TMEM192: variants seen among roughly 807,000 people sequenced by gnomAD.
TMEM192 encodes transmembrane protein 192.
A neutral mutation model predicts 26.7 loss-of-function variants in TMEM192; 20 were observed. The observed-to-expected ratio is 0.75, with a 90% CI of 0.53 to 1.09. The LOEUF (loss-of-function observed/expected upper bound fraction) is 1.09, where lower values mean the gene tolerates loss of function less well. Ranked by LOEUF, TMEM192 falls within the 50% of genes least tolerant of loss-of-function variation. The pLI, the probability that TMEM192 is intolerant of heterozygous loss-of-function variation, is 0.00. For synonymous variants in TMEM192, 124 were observed against 121.0 expected (o/e 1.02, Z -0.16); for missense variants, 304 against 322.6 (o/e 0.94, Z 0.44).
At chr4:165,089,750 G>C (rs892509147) in intron 3 of TMEM192, among the ~76,000 whole-genome samples, 2 of 152,182 alleles carry the variant, frequency 1.3e-5, no homozygotes, top group African/African-American at 4.8e-5. Flanking sequence ...CAAGAAACAG[G>C]AGGGCCGGAA....
intron 3 of TMEM192, among the ~76,000 whole-genome samples, chr4:165,095,232 T>C (rs950029534): frequency 6.6e-6 from 1 of 152,154 alleles, no homozygotes; most frequent in African/African-American, 2.4e-5. Context: ...TAACAATGCC[T>C]AAGTAGACAT....
chr4:165,096,368 G>A (rs1198282110), intron 3 of TMEM192, among the ~76,000 whole-genome samples: 1 of 151,620 alleles, frequency 6.6e-6, no homozygotes, highest in East Asian at 2.0e-4. Flanking sequence ...TCATACCACT[G>A]CACTCCAGCC....
chr4:165,077,401 G>A lies in TMEM192; in HGVS notation c.*2257C>T, dbSNP rs1263683501. 6.6e-6 allele frequency: 1 copy of A among 152,166 alleles called. No homozygotes were observed. The highest frequency in any genetic ancestry group is 1.5e-5 in the Non-Finnish European group (1 of 68,034). The allele number at this position is 152,166 out of a possible 1,614,324, so 9.4% of individuals were successfully genotyped here. ...AAAGTTTATAGGCTCTTCCAGAACA[G>A]AGAAACAGATTTCTAGAGAAGGCAA... is the stretch of plus-strand genomic sequence containing the variant. On this transcript the variant is annotated 3_prime_UTR_variant, in exon 6 of 6. Coordinates refer to ENST00000306480, the MANE Select transcript of TMEM192 (RefSeq NM_001100389.2).
At chr4:165,092,112 C>CTTTCTTAATGCTGTTCTTT (rs1734779100) in intron 3 of TMEM192, among the ~76,000 whole-genome samples, 2 of 72,074 alleles carry the variant, frequency 2.8e-5, no homozygotes, top group African/African-American at 1.3e-4. Context: ...TAATGCTGTT[C>CTTTCTTAATGCTGTTCTTT]TTTTTTTTTT....
intron 1 of TMEM192, among the ~76,000 whole-genome samples, chr4:165,103,859 G>C (rs552065710): frequency 2.6e-5 from 4 of 151,910 alleles, no homozygotes; most frequent in Admixed American, 1.3e-4. Flanking sequence ...GTAGAGGGAG[G>C]GTTTCACTGT....
chr4:165,103,531 T>TTTTTTG (rs1735094838), intron 1 of TMEM192, among the ~76,000 whole-genome samples: 1 of 131,300 alleles, frequency 7.6e-6, no homozygotes, highest in African/African-American at 3.1e-5. Flanking sequence ...TTTTTTTTTT[T>TTTTTTG]GAGATAGAGT....
intron 4 of TMEM192, among the ~76,000 whole-genome samples, chr4:165,087,621 G>T (rs1032144622): frequency 6.6e-6 from 1 of 152,180 alleles, no homozygotes; most frequent in Non-Finnish European, 1.5e-5. Context: ...ACATGTGGAT[G>T]AAAACTTCAT....
intron 1 of TMEM192, among the ~76,000 whole-genome samples, chr4:165,105,968 T>C (rs1192689689): frequency 1.3e-5 from 2 of 152,158 alleles, no homozygotes; most frequent in African/African-American, 4.8e-5. Context: ...CACCTTCCAC[T>C]GCGTGAGGAT....
rs1381175749 is a variant in TMEM192, at chr4:165,079,399, C to A, written c.*259G>T. 2.7e-6 allele frequency: 1 copy of A among 373,598 alleles called. No individual in the cohort carries two copies. Among genetic ancestry groups the A allele is most frequent in the Non-Finnish European group, 4.8e-6 (1 of 209,346 alleles). The allele number at this position is 373,598 out of a possible 1,614,324, so 23.1% of individuals were successfully genotyped here. A position where few individuals can be genotyped will look rare whatever the true frequency, so the allele number is the denominator to read the frequency against. ...GTTTAGCCTCTGATCCTAGGATAAA[C>A]CAAGCAGTTAAATAATTTCCAAAAG... On this transcript the variant is annotated 3_prime_UTR_variant, in exon 6 of 6. Coordinates refer to ENST00000306480, the MANE Select transcript of TMEM192 (RefSeq NM_001100389.2).
At chr4:165,094,514 G>A (rs944778250) in intron 3 of TMEM192, among the ~76,000 whole-genome samples, 1 of 152,012 alleles carries the variant, frequency 6.6e-6, no homozygotes, top group Non-Finnish European at 1.5e-5. Flanking sequence ...AAAATTAGAC[G>A]GGTGGGGCGG....
chr4:165,079,455 G>A lies in TMEM192; in HGVS notation c.*203C>T, dbSNP rs1734468177. ...ACAGACATTCCCCTCAAGTTATCCGGGCTTCTACAGGTACTTTTCAAGTGA... is the reference window on the plus strand; with the variant it reads ...ACAGACATTCCCCTCAAGTTATCCGAGCTTCTACAGGTACTTTTCAAGTGA... On this transcript the variant is annotated 3_prime_UTR_variant, in exon 6 of 6. Transcript: ENST00000306480. 1 of 478,322 alleles carries A rather than the reference G, an allele frequency of 2.1e-6. No homozygotes were observed. Among genetic ancestry groups the A allele is most frequent in the Non-Finnish European group, 3.6e-6 (1 of 276,076 alleles). The allele number at this position is 478,322 out of a possible 1,614,324, so 29.6% of individuals were successfully genotyped here.
chr4:165,099,461 C>T (rs1578909962), intron 3 of TMEM192, among the ~76,000 whole-genome samples: 2 of 152,098 alleles, frequency 1.3e-5, no homozygotes, highest in Admixed American at 1.3e-4. Context: ...ATGTCTGCAA[C>T]GATAAAGAAA....
At chr4:165,090,726 G>A (rs1248341564) in intron 3 of TMEM192, among the ~76,000 whole-genome samples, 6 of 151,792 alleles carry the variant, frequency 4.0e-5, no homozygotes, top group East Asian at 3.9e-4. Flanking sequence ...CCAAGATGGC[G>A]AAACCCTGTC....
In TMEM192 at chr4:165,102,967, G is replaced by T. The variant is rs1735071523; in HGVS notation, c.157C>A (p.Leu53Ile). The T allele has an allele frequency of 1.2e-6, 2 of 1,612,056 alleles. No individual in the cohort carries two copies. The highest frequency in any genetic ancestry group is 4.5e-5 in the East Asian group (2 of 44,814). Reference protein sequence around the residue: ...HPLPTVIIVNLLWFIHLVFVV... With the variant: ...HPLPTVIIVNILWFIHLVFVV... The stretch of plus-strand genomic sequence containing the variant: ...CAACTTACATGAATAAACCACAGAA[G>T]ATTCACTATGATGACTGTAGGAAGA... The change falls in exon 2 of 6, where the codon CTT becomes ATT. Residue 53 changes from leucine (L) to isoleucine (I), a missense_variant. Physicochemically the swap from Leu to Ile is conservative, Grantham distance 5. Coordinates refer to ENST00000306480, the MANE Select transcript of TMEM192 (RefSeq NM_001100389.2).
At position 165,070,734 on chromosome 4, in the gene TMEM192, CAG is replaced by C. The variant is rs1178274924; in HGVS notation, c.*8922_*8923del. The C allele has an allele frequency of 2.0e-5, 3 of 152,148 alleles. No homozygotes were observed. The highest frequency in any genetic ancestry group is 7.2e-5 in the African/African-American group (3 of 41,440). 9.4% of individuals were successfully genotyped at this position (152,148 alleles called of 1,614,324 possible). A position where few individuals can be genotyped will look rare whatever the true frequency, so the allele number is the denominator to read the frequency against. ...GGACATCATAAACAGAAAGTGAAAACAGAGCCCAGGTTACAGCTGGATTACAG... is the reference window on the plus strand; with the variant it reads ...GGACATCATAAACAGAAAGTGAAAACAGCCCAGGTTACAGCTGGATTACAG... On this transcript the variant is annotated 3_prime_UTR_variant, in exon 6 of 6. Coordinates refer to ENST00000306480, the MANE Select transcript of TMEM192 (RefSeq NM_001100389.2).
Position 165,078,620 on chromosome 4 carries a change from C to T in TMEM192, c.*1038G>A, listed in dbSNP as rs1028385567. 2 of 152,078 alleles carry T rather than the reference C, an allele frequency of 1.3e-5. No individual in the cohort carries two copies. The highest frequency in any genetic ancestry group is 4.8e-5 in the African/African-American group (2 of 41,414). The allele number at this position is 152,078 out of a possible 1,614,324, so 9.4% of individuals were successfully genotyped here. A position where few individuals can be genotyped will look rare whatever the true frequency, so the allele number is the denominator to read the frequency against. ...ATAACCAGACTGAAATATACAGCAACTTCTTGAAGAATGGCAAAAATAAAG... is the reference window on the plus strand; with the variant it reads ...ATAACCAGACTGAAATATACAGCAATTTCTTGAAGAATGGCAAAAATAAAG... On this transcript the variant is annotated 3_prime_UTR_variant, in exon 6 of 6. Transcript: ENST00000306480.
chr4:165,089,599 A>G (rs1734706623), intron 3 of TMEM192, among the ~76,000 whole-genome samples: 1 of 152,152 alleles, frequency 6.6e-6, no homozygotes, highest in Non-Finnish European at 1.5e-5. Flanking sequence ...CTAGGATTAC[A>G]GGCGTGAGCC....
In TMEM192 at chr4:165,077,160, C is replaced by T. The variant is rs1734401953; in HGVS notation, c.*2498G>A. The T allele has an allele frequency of 6.6e-6, 1 of 152,160 alleles. No individual in the cohort carries two copies. The highest frequency in any genetic ancestry group is 2.4e-5 in the African/African-American group (1 of 41,432). The allele number at this position is 152,160 out of a possible 1,614,324, so 9.4% of individuals were successfully genotyped here. ...TTATTGTTTGAAATGTTCATCATTGCATTCAGAAAAATGTTGATGATTATA... is the reference window on the plus strand; with the variant it reads ...TTATTGTTTGAAATGTTCATCATTGTATTCAGAAAAATGTTGATGATTATA... On this transcript the variant is annotated 3_prime_UTR_variant, in exon 6 of 6. Transcript: ENST00000306480.
In TMEM192 at chr4:165,112,731, G is replaced by C. The variant is rs1336696756; in HGVS notation, c.27+16C>G. On this transcript the variant is annotated intron_variant, in intron 1 of 5. Coordinates refer to ENST00000306480, the MANE Select transcript of TMEM192 (RefSeq NM_001100389.2). Reference sequence around the variant, plus strand: ...CGGATTCCGGGGCCAACCGCCCGCCGCCTCCGTGCACTCACGTCCTCCATC... The same window carrying C: ...CGGATTCCGGGGCCAACCGCCCGCCCCCTCCGTGCACTCACGTCCTCCATC... 11 of 1,608,626 alleles carry C rather than the reference G, an allele frequency of 6.8e-6. 1 individual carries two copies. In the South Asian group the frequency reaches 1.2e-4, roughly 18 times the overall value.
Sources: allele counts gnomAD v4.1 joint callset (sites outside exome capture counted in the v4.1 genomes callset), GRCh38; gene constraint gnomAD v4.1.1; transcripts MANE v1.5; gene names NCBI Gene and HGNC (gene_info 2026-07-23, HGNC 2026-07-21).